SH2B2: variants seen among roughly 807,000 people sequenced by gnomAD.
SH2B2 encodes SH2B adaptor protein 2.
Under a neutral mutation model 35.7 loss-of-function variants are expected in SH2B2, and 37 were observed. The observed-to-expected ratio is 1.04, with a 90% CI of 0.80 to 1.36. SH2B2 has a LOEUF of 1.36. Ranked by LOEUF, SH2B2 falls within the 40% of genes most tolerant of loss-of-function variation. SH2B2 has a pLI of 0.00. For synonymous variants in SH2B2, 383 were observed against 376.4 expected (o/e 1.02, Z -0.20); for missense variants, 852 against 817.7 (o/e 1.04, Z -0.51).
In SH2B2 at chr7:102,297,437, TAC is replaced by T. The variant is rs1214532669; in HGVS notation, c.-29-3083_-29-3082del. Among the ~76,000 whole-genome samples the T allele has an allele frequency of 6.7e-6, 1 of 150,150 alleles. No homozygotes were observed. The highest frequency in any genetic ancestry group is 1.5e-5 in the Non-Finnish European group (1 of 67,814). On this transcript the variant is annotated intron_variant, in intron 1 of 8. Coordinates refer to ENST00000444095, the MANE Select transcript of SH2B2 (RefSeq NM_001359228.2). The surrounding 1 kb of genome is among the most constrained non-coding windows in gnomAD (Gnocchi z 4.3). ...CACACACACACACACACACGCAGTATACAGAGGTTCAGTATTAGCCAGTTTCA... is the reference window on the plus strand; with the variant it reads ...CACACACACACACACACACGCAGTATAGAGGTTCAGTATTAGCCAGTTTCA...
chr7:102,317,109 A>G, intron 6 of SH2B2, 78 bp from the exon 7 acceptor site: 2 of 1,127,800 alleles, frequency 1.8e-6, no homozygotes, highest in Non-Finnish European at 2.5e-6. Flanking sequence ...ACAAGACGTC[A>G]CCTCTCTTCT....
intron 8 of SH2B2, 54 bp from the exon 9 acceptor site, chr7:102,321,245 C>T: frequency 1.2e-5 from 15 of 1,298,082 alleles, no homozygotes; most frequent in Middle Eastern, 2.9e-4. Context: ...GGCCTCCCTG[C>T]AGGATGTGGC....
upstream of SH2B2, among the ~76,000 whole-genome samples, chr7:102,285,654 AAC>A (rs1792415425): frequency 6.6e-6 from 1 of 152,162 alleles, no homozygotes; most frequent in Non-Finnish European, 1.5e-5. Flanking sequence ...GTTTGATAAA[AAC>A]CCTTGTCTGT....
At chr7:102,288,462 GA>G (rs1233970499) in intron 1 of SH2B2, among the ~76,000 whole-genome samples, 1 of 152,118 alleles carries the variant, frequency 6.6e-6, no homozygotes, top group Non-Finnish European at 1.5e-5. Flanking sequence ...GCCGGCTTCT[GA>G]TGCTGCTTGG....
At chr7:102,306,356 TG>T (rs1793399294) in intron 2 of SH2B2, among the ~76,000 whole-genome samples, 1 of 152,216 alleles carries the variant, frequency 6.6e-6, no homozygotes. Flanking sequence ...CCCAAAGTGC[TG>T]GGATTACAGG....
intron 3 of SH2B2, 116 bp from the exon 4 acceptor site, chr7:102,308,699 T>G: frequency 1.3e-5 from 10 of 779,854 alleles, no homozygotes; most frequent in Non-Finnish European, 2.0e-5. Context: ...CTCATGCCCT[T>G]GAGCCCTGCT....
intron 3 of SH2B2, among the ~76,000 whole-genome samples, chr7:102,307,392 C>T (rs1793446152): frequency 6.6e-6 from 1 of 152,210 alleles, no homozygotes; most frequent in Non-Finnish European, 1.5e-5. Context: ...CGCAAAGGAT[C>T]AGAGGGTGTT....
chr7:102,289,792 A>G (rs1418852422), intron 1 of SH2B2, among the ~76,000 whole-genome samples: 1 of 151,128 alleles, frequency 6.6e-6, no homozygotes, highest in Non-Finnish European at 1.5e-5. Context: ...GGGGGAGTGG[A>G]AGGGGCTGAG....
rs1554553433 is a variant in SH2B2 at position 102,300,675 on chromosome 7, T to G, written c.125T>G (p.Phe42Cys). The G allele has an allele frequency of 1.9e-6, 3 of 1,548,076 alleles. No homozygotes were observed. The highest frequency in any genetic ancestry group is 2.4e-5 in the East Asian group (1 of 40,862). ...GCCGCCGTGGACTTTGCGCACAAGT[T>G]CTGCCGTTTCCTGCGGGACAACCCA... is the stretch of plus-strand genomic sequence containing the variant. ...QAAAVDFAHKFCRFLRDNPAY... is the reference protein window; with the variant it reads ...QAAAVDFAHKCCRFLRDNPAY... The change falls in exon 2 of 9, where the codon TTC becomes TGC. Residue 42 changes from phenylalanine to cysteine, a missense_variant. Transcript: ENST00000444095.
intron 3 of SH2B2, among the ~76,000 whole-genome samples, chr7:102,307,309 C>T (rs1052277911): frequency 1.3e-5 from 2 of 152,226 alleles, no homozygotes; most frequent in African/African-American, 2.4e-5. Flanking sequence ...GGCCCCACAC[C>T]GCTGCCAGGG....
intron 1 of SH2B2, among the ~76,000 whole-genome samples, chr7:102,298,959 C>T (rs1295664178): frequency 1.3e-4 from 16 of 120,732 alleles, no homozygotes; most frequent in African/African-American, 4.6e-4. Flanking sequence ...CTCGCTCTGT[C>T]GCCAAGGCTG....
intron 3 of SH2B2, among the ~76,000 whole-genome samples, chr7:102,307,708 C>T (rs1297355712): frequency 2.6e-5 from 4 of 151,894 alleles, no homozygotes; most frequent in African/African-American, 4.8e-5. Context: ...GGATTAAAGG[C>T]AGTCTCCGAG....
chr7:102,320,280 C>G, intron 7 of SH2B2, 51 bp from the exon 8 acceptor site: 3 of 1,482,052 alleles, frequency 2.0e-6, no homozygotes, highest in Non-Finnish European at 2.8e-6. Context: ...GGCGCTTACC[C>G]AGGTGCCCAG....
At chr7:102,300,442 C>T in intron 1 of SH2B2, 80 bp from the exon 2 acceptor site, 2 of 1,435,890 alleles carry the variant, frequency 1.4e-6, no homozygotes, top group Non-Finnish European at 1.8e-6. Flanking sequence ...CCAGAGAGTC[C>T]TAGGGGAGCT....
chr7:102,311,369 C>G (rs4348422), intron 4 of SH2B2, among the ~76,000 whole-genome samples: 53,268 of 151,770 alleles, frequency 0.35, 9,373 homozygotes, highest in Middle Eastern at 0.42. Flanking sequence ...ATTCTCCTGC[C>G]TCAGCCTCCC....
At position 102,320,317 on chromosome 7, in the gene SH2B2, A is replaced by G. The variant is rs1554558093; in HGVS notation, c.1396-14A>G. Reference sequence around the variant, plus strand: ...CCCGGACCTGCCCCTGACCACACCCACCTGTACCCACAGCACCTGCGCCTG... The same window carrying G: ...CCCGGACCTGCCCCTGACCACACCCGCCTGTACCCACAGCACCTGCGCCTG... On this transcript the variant is annotated splice_polypyrimidine_tract_variant and intron_variant, in intron 7 of 8. Coordinates refer to ENST00000444095, the MANE Select transcript of SH2B2 (RefSeq NM_001359228.2). 1.9e-6 allele frequency: 3 copies of G among 1,606,124 alleles called. No homozygotes were observed. The highest frequency in any genetic ancestry group is 2.5e-6 in the Non-Finnish European group (3 of 1,178,344).
At chr7:102,286,779 G>A (rs1175512803), upstream of SH2B2, 1 of 138,438 alleles carries the variant, frequency 7.2e-6, no homozygotes, top group African/African-American at 2.6e-5. Context: ...GGCGGGGCCA[G>A]GACGCGCGAG....
chr7:102,294,892 C>T (rs1156763975), intron 1 of SH2B2, among the ~76,000 whole-genome samples: 2 of 152,214 alleles, frequency 1.3e-5, no homozygotes, highest in Non-Finnish European at 2.9e-5. Flanking sequence ...GGCATCAGGC[C>T]CACAGGCTCC....
At chr7:102,315,778 AAGG>A (rs1793807861) in intron 6 of SH2B2, among the ~76,000 whole-genome samples, 1 of 139,452 alleles carries the variant, frequency 7.2e-6, no homozygotes, top group African/African-American at 2.6e-5. Flanking sequence ...GAAAAGAAGA[AAGG>A]AGGGAGGGAG....
Sources: allele counts gnomAD v4.1 joint callset (sites outside exome capture counted in the v4.1 genomes callset), GRCh38; gene constraint gnomAD v4.1.1; non-coding constraint Gnocchi (gnomAD v3.1); transcripts MANE v1.5; gene names NCBI Gene and HGNC (gene_info 2026-07-23, HGNC 2026-07-21).